Variants in CNBD1 observed in about 807,000 individuals in gnomAD.
The protein encoded by CNBD1 is cyclic nucleotide-binding domain-containing protein 1.
CNBD1 carries 71 observed loss-of-function variants against 54.4 expected under a neutral mutation model. The ratio of observed to expected loss-of-function variants is 1.30; its 90% CI spans 1.08 to 1.59. The LOEUF is 1.59. CNBD1 is among the 40% of genes most tolerant of loss of function. The pLI is 0.00. For synonymous variants in CNBD1, 182 were observed against 170.7 expected, an observed-to-expected ratio of 1.07 and a Z score of -0.51; for missense variants, 659 against 518.0, an observed-to-expected ratio of 1.27 and a Z score of -2.64.
At chr8:87,304,812 A>C (rs114217409) in intron 8 of CNBD1, among the ~76,000 whole-genome samples, 5,283 of 152,154 alleles carry the variant, frequency 0.035, 296 homozygotes, top group African/African-American at 0.12. Flanking sequence ...ACAATACTGA[A>C]TGGGAAAAAG....
At chr8:87,049,590 A>G (rs1810271605) in intron 4 of CNBD1, among the ~76,000 whole-genome samples, 1 of 152,144 alleles carries the variant, frequency 6.6e-6, no homozygotes, top group African/African-American at 2.4e-5. Flanking sequence ...TGGATTTTCT[A>G]GGGGAGTTTC....
At chr8:86,878,159 C>G (rs1808553076) in intron 1 of CNBD1, among the ~76,000 whole-genome samples, 2 of 148,824 alleles carry the variant, frequency 1.3e-5, no homozygotes, top group Admixed American at 6.7e-5. Context: ...TTGCTTATTT[C>G]CTGGCATAAT....
intron 4 of CNBD1, among the ~76,000 whole-genome samples, chr8:87,111,695 G>A (rs1319940410): frequency 2.6e-5 from 4 of 152,136 alleles, no homozygotes; most frequent in African/African-American, 4.8e-5. Flanking sequence ...TATATAGTAA[G>A]TAGTACTCTC....
intron 10 of CNBD1, among the ~76,000 whole-genome samples, chr8:87,376,387 C>T (rs529797449): frequency 6.6e-6 from 1 of 151,908 alleles, no homozygotes; most frequent in South Asian, 2.1e-4. Flanking sequence ...GCCCTCAGCA[C>T]CTAATTACTT....
At chr8:86,988,084 G>A (rs1171618443) in intron 4 of CNBD1, among the ~76,000 whole-genome samples, 7 of 149,270 alleles carry the variant, frequency 4.7e-5, no homozygotes, top group African/African-American at 1.7e-4. Flanking sequence ...TTTCTTCTTT[G>A]TACATATGGT....
At chr8:86,971,553 C>T (rs111313927) in intron 4 of CNBD1, among the ~76,000 whole-genome samples, 3,304 of 152,012 alleles carry the variant, frequency 0.022, 118 homozygotes, top group African/African-American at 0.068. Flanking sequence ...ATTACTATTC[C>T]GAAAATGTAT....
chr8:87,203,921 C>T lies in CNBD1; in HGVS notation c.432-2072C>T, dbSNP rs1259804256. ...GATTCAGAGCAACATTGCTGTTTTG[C>T]TGGGCTAGTATTGTAAAATCCTCCA... On this transcript the variant is annotated intron_variant, in intron 4 of 10. Coordinates refer to ENST00000518476, the MANE Select transcript of CNBD1 (RefSeq NM_173538.3). Among the ~76,000 whole-genome samples the T allele has an allele frequency of 2.6e-5, 4 of 152,276 alleles. No individual in the cohort carries two copies. The East Asian group carries it at 7.7e-4, about 29-fold the overall frequency.
chr8:87,359,899 A>G (rs150055395), intron 10 of CNBD1, among the ~76,000 whole-genome samples: 17 of 152,194 alleles, frequency 1.1e-4, no homozygotes, highest in African/African-American at 4.1e-4. Flanking sequence ...TAAAATAATT[A>G]TGTTCCAATA....
chr8:86,873,386 C>T (rs1343521007), intron 1 of CNBD1, among the ~76,000 whole-genome samples: 3 of 151,798 alleles, frequency 2.0e-5, no homozygotes, highest in African/African-American at 7.3e-5. Context: ...CAGGTGTGAG[C>T]CACCACACCT....
chr8:87,409,095 A>T (rs987580951), intron 2 of CNBD1, among the ~76,000 whole-genome samples: 1 of 152,180 alleles, frequency 6.6e-6, no homozygotes, highest in Non-Finnish European at 1.5e-5. Flanking sequence ...TTAATGAGGA[A>T]GGCATGTCGA....
At chr8:87,412,057 C>T (rs951715222) in intron 2 of CNBD1, among the ~76,000 whole-genome samples, 16 of 151,792 alleles carry the variant, frequency 1.1e-4, no homozygotes, top group Admixed American at 8.6e-4. Context: ...TTTTGATAAT[C>T]AGGAATTACT....
chr8:86,977,901 G>T (rs1808378390), intron 4 of CNBD1, among the ~76,000 whole-genome samples: 1 of 152,072 alleles, frequency 6.6e-6, no homozygotes. Flanking sequence ...GTATTATCAT[G>T]ATACCAAATC....
chr8:87,228,825 C>T (rs988773000), intron 5 of CNBD1, among the ~76,000 whole-genome samples: 12 of 152,162 alleles, frequency 7.9e-5, no homozygotes, highest in Admixed American at 4.6e-4. Context: ...CAATGGCGGG[C>T]GCCCCTCCTC....
intron 1 of CNBD1, among the ~76,000 whole-genome samples, chr8:86,879,230 A>G (rs577490379): frequency 2.0e-4 from 31 of 152,238 alleles, no homozygotes; most frequent in African/African-American, 7.0e-4. Context: ...TTTAAATCCA[A>G]TCATTATGAT....
chr8:87,220,883 T>C (rs1009835352), intron 5 of CNBD1, among the ~76,000 whole-genome samples: 1 of 152,048 alleles, frequency 6.6e-6, no homozygotes, highest in Non-Finnish European at 1.5e-5. Context: ...TGTCTACAAA[T>C]GATCAGAAAT....
chr8:87,124,841 G>C (rs1811960243), intron 4 of CNBD1, among the ~76,000 whole-genome samples: 1 of 151,606 alleles, frequency 6.6e-6, no homozygotes, highest in South Asian at 2.1e-4. Flanking sequence ...CATCCGAGTA[G>C]GGAAGAAAGA....
intron 10 of CNBD1, among the ~76,000 whole-genome samples, chr8:87,378,493 A>G (rs1015131326): frequency 2.1e-4 from 31 of 150,812 alleles, no homozygotes; most frequent in East Asian, 7.8e-4. Context: ...TGAGGGCTCC[A>G]TTCTGTTCCA....
intron 2 of CNBD1, among the ~76,000 whole-genome samples, chr8:86,900,506 A>G (rs1808916150): frequency 6.6e-6 from 1 of 152,178 alleles, no homozygotes; most frequent in South Asian, 2.1e-4. Context: ...GATTTTAATA[A>G]AATTTTTAAA....
chr8:87,287,204 G>A (rs147221993), intron 8 of CNBD1, among the ~76,000 whole-genome samples: 7 of 152,136 alleles, frequency 4.6e-5, no homozygotes, highest in Non-Finnish European at 7.4e-5. Flanking sequence ...AAGGATGCAC[G>A]GATTTCCTGG....
Sources: gnomAD v4.1 joint callset for allele counts (sites outside exome capture counted in the v4.1 genomes callset) on GRCh38, gnomAD v4.1.1 for gene constraint, MANE v1.5 for transcripts, NCBI Gene and HGNC (gene_info 2026-07-23, HGNC 2026-07-21) for gene names.